Variants in WDPCP observed in about 807,000 individuals in gnomAD.
WDPCP encodes WD repeat containing planar cell polarity effector, also known as WD repeat-containing and planar cell polarity effector protein fritz homolog.
In WDPCP, 71 loss-of-function variants were observed where a neutral mutation model predicts 93.1. That is an observed-to-expected ratio of 0.76 (90% confidence interval 0.63 to 0.93). The LOEUF (loss-of-function observed/expected upper bound fraction) is 0.93. Ranked by LOEUF, WDPCP falls within the 40% of genes least tolerant of loss-of-function variation. WDPCP has a pLI of 0.00. For missense variants in WDPCP, 844 were observed against 887.4 expected (o/e 0.95, Z 0.62); for synonymous variants, 315 against 315.0 (o/e 1.00, Z 0.00).
chr2:63,451,224 A>G (rs1698224618), intron 6 of WDPCP, among the ~76,000 whole-genome samples: 1 of 152,072 alleles, frequency 6.6e-6, no homozygotes, highest in Admixed American at 6.6e-5. Flanking sequence ...CAAAAGCATC[A>G]GTAATGAACT....
At chr2:63,751,306 T>C (rs904801334) in intron 2 of WDPCP, among the ~76,000 whole-genome samples, 3 of 152,194 alleles carry the variant, frequency 2.0e-5, no homozygotes, top group Admixed American at 6.5e-5. Context: ...TGATAACCTC[T>C]CTTTTATTTC....
chr2:63,539,850 TG>T (rs1354476929), intron 1 of WDPCP, among the ~76,000 whole-genome samples: 2 of 152,218 alleles, frequency 1.3e-5, no homozygotes, highest in Non-Finnish European at 1.5e-5. Context: ...TATAGATAGA[TG>T]GATGAGTAGA....
At chr2:63,124,445 C>T (rs1465127003) in intron 17 of WDPCP, among the ~76,000 whole-genome samples, 2 of 152,168 alleles carry the variant, frequency 1.3e-5, no homozygotes, top group East Asian at 3.9e-4. Context: ...TTCTGAGCCA[C>T]ACCCTTTTGC....
intron 13 of WDPCP, among the ~76,000 whole-genome samples, chr2:63,301,465 A>C (rs954232129): frequency 6.6e-6 from 1 of 152,220 alleles, no homozygotes; most frequent in African/African-American, 2.4e-5. Flanking sequence ...TCAATCTAGC[A>C]TACCCCCTCC....
At chr2:63,777,118 C>T (rs1277444170) in intron 2 of WDPCP, among the ~76,000 whole-genome samples, 1 of 152,018 alleles carries the variant, frequency 6.6e-6, no homozygotes, top group African/African-American at 2.4e-5. Context: ...GATGAATATC[C>T]TAAGTACCAT....
chr2:63,120,451 T>A lies in WDPCP; in HGVS notation c.*1555A>T, dbSNP rs1669485982. ...GCCTTCAGTCTGATTAACTTTGAAC[T>A]CTAAGATTTAATTATATAATGTAAT... On this transcript the variant is annotated 3_prime_UTR_variant, in exon 18 of 18. Transcript: ENST00000272321. Among the ~76,000 whole-genome samples, 1 of 151,850 alleles carries A rather than the reference T, an allele frequency of 6.6e-6. No individual in the cohort carries two copies. The highest frequency in any genetic ancestry group is 2.1e-4 in the South Asian group (1 of 4,826).
intron 12 of WDPCP, among the ~76,000 whole-genome samples, chr2:63,361,318 CTGAGA>C (rs1045906472): frequency 6.6e-6 from 1 of 152,142 alleles, no homozygotes; most frequent in African/African-American, 2.4e-5. Flanking sequence ...AAAATAGCTA[CTGAGA>C]TAATACATGT....
chr2:63,809,395 C>A (rs889359800), intron 2 of WDPCP, among the ~76,000 whole-genome samples: 2 of 152,322 alleles, frequency 1.3e-5, no homozygotes, highest in Non-Finnish European at 1.5e-5. Context: ...CCAGCCACCA[C>A]CCCGTCTGGG....
At chr2:63,365,365 GTAA>G (rs1363225834) in intron 12 of WDPCP, among the ~76,000 whole-genome samples, 3 of 152,200 alleles carry the variant, frequency 2.0e-5, no homozygotes, top group African/African-American at 7.2e-5. Flanking sequence ...AACAAAAATC[GTAA>G]TAATATTCAG....
intron 6 of WDPCP, among the ~76,000 whole-genome samples, chr2:63,474,485 G>A (rs1421571514): frequency 6.6e-6 from 1 of 152,052 alleles, no homozygotes; most frequent in African/African-American, 2.4e-5. Context: ...TCTGACCAGT[G>A]ATTTATGAAA....
At chr2:63,615,885 A>G (rs1002898551) in intron 3 of WDPCP, among the ~76,000 whole-genome samples, 36 of 152,264 alleles carry the variant, frequency 2.4e-4, no homozygotes, top group African/African-American at 8.4e-4. Context: ...TTCTCGTTTC[A>G]CCATAGAGCT....
the WDPCP span, among the ~76,000 whole-genome samples, chr2:63,838,977 T>C: frequency 2.0e-5 from 3 of 152,184 alleles, no homozygotes; most frequent in Non-Finnish European, 2.9e-5. Context: ...TTGGAAATAT[T>C]TGGAAACTAA....
At chr2:63,279,498 A>C (rs35698816) in intron 13 of WDPCP, among the ~76,000 whole-genome samples, 3,439 of 152,316 alleles carry the variant, frequency 0.023, 52 homozygotes, top group Non-Finnish European at 0.035. Context: ...CCCACAGCCA[A>C]CATAATACTG....
chr2:63,424,959 T>G, intron 9 of WDPCP, among the ~76,000 whole-genome samples: 1 of 152,150 alleles, frequency 6.6e-6, no homozygotes, highest in Non-Finnish European at 1.5e-5. Context: ...GCGAATGTGC[T>G]GAAATACAAG....
At chr2:63,590,807 A>G (rs138222713), upstream of WDPCP, 69 of 152,242 alleles carry the variant, frequency 4.5e-4, no homozygotes, top group African/African-American at 1.6e-3. Flanking sequence ...ACTGACAGCA[A>G]ACTCACACAT....
chr2:63,532,752 A>G (rs1703958213), intron 1 of WDPCP, among the ~76,000 whole-genome samples: 1 of 152,234 alleles, frequency 6.6e-6, no homozygotes, highest in Admixed American at 6.5e-5. Flanking sequence ...CCACTGCAAA[A>G]ACATGTCAAA....
chr2:63,195,715 T>G (rs1290849867), intron 14 of WDPCP, among the ~76,000 whole-genome samples: 1 of 151,866 alleles, frequency 6.6e-6, no homozygotes, highest in African/African-American at 2.4e-5. Context: ...GCTAAAAATA[T>G]CCAAAAAAAT....
intron 14 of WDPCP, among the ~76,000 whole-genome samples, chr2:63,180,594 A>C (rs1242908577): frequency 6.6e-6 from 1 of 152,234 alleles, no homozygotes. Context: ...ACTGATGTAA[A>C]CGTAGGTGAT....
chr2:63,133,682 A>G (rs1228089176), intron 17 of WDPCP, among the ~76,000 whole-genome samples: 2 of 152,168 alleles, frequency 1.3e-5, no homozygotes, highest in African/African-American at 4.8e-5. Context: ...CATGATTATA[A>G]GGTTCCTGAG....
Sources: allele counts gnomAD v4.1 joint callset (sites outside exome capture counted in the v4.1 genomes callset), GRCh38; gene constraint gnomAD v4.1.1; transcripts MANE v1.5; gene names NCBI Gene and HGNC (gene_info 2026-07-23, HGNC 2026-07-21).